The following TSPAN15 variants were observed in gnomAD, a reference collection of about 807,000 sequenced individuals.
TSPAN15 encodes tetraspanin-15.
A neutral mutation model predicts 34.5 loss-of-function variants in TSPAN15; 20 were observed. The observed-to-expected ratio is 0.58, with a 90% confidence interval of 0.41 to 0.84. The LOEUF (loss-of-function observed/expected upper bound fraction) is 0.84. TSPAN15 is among the 40% of genes least tolerant of loss of function. The probability of loss-of-function intolerance (pLI) is 0.00; values close to 1 mark genes in which losing one functional copy is unlikely to be tolerated. For missense variants in TSPAN15, 313 were observed against 386.1 expected (o/e 0.81, Z 1.59); for synonymous variants, 155 against 153.9 (o/e 1.01, Z -0.05).
chr10:69,460,781 G>A (rs76528835), intron 1 of TSPAN15, among the ~76,000 whole-genome samples: 20,110 of 152,166 alleles, frequency 0.13, 1,749 homozygotes, highest in Non-Finnish European at 0.18. Context: ...AGGCCTCGCA[G>A]AGAGGAGTGG....
intron 1 of TSPAN15, among the ~76,000 whole-genome samples, chr10:69,460,045 A>C (rs1841215580): frequency 6.7e-6 from 1 of 148,814 alleles, no homozygotes; most frequent in Non-Finnish European, 1.5e-5. Context: ...ATGAGATGAG[A>C]TGAGATGAGA....
At chr10:69,457,212 C>T (rs1841130959) in intron 1 of TSPAN15, among the ~76,000 whole-genome samples, 1 of 152,224 alleles carries the variant, frequency 6.6e-6, no homozygotes, top group Non-Finnish European at 1.5e-5. Flanking sequence ...TCATCCATAT[C>T]CTCCTCTGAA....
At chr10:69,505,958 C>T in intron 6 of TSPAN15, 166 bp from the exon 7 acceptor site, 1 of 603,582 alleles carries the variant, frequency 1.7e-6, no homozygotes, top group African/African-American at 1.8e-5. Context: ...CAGTACTGTC[C>T]ATTAAGAATC....
chr10:69,517,200 G>A, the TSPAN15 span, among the ~76,000 whole-genome samples: 1 of 152,176 alleles, frequency 6.6e-6, no homozygotes. Context: ...CGCTGCTCCT[G>A]TGTCTTCTCC....
In TSPAN15 at chr10:69,462,165, T is replaced by TG. The variant is rs56076851; in HGVS notation, c.96+10475_96+10476insG. 7.3e-4 allele frequency among the ~76,000 whole-genome samples: 101 copies of TG among 138,266 alleles called. 3 individuals are homozygous for TG. Among genetic ancestry groups the TG allele is most frequent in the South Asian group, 3.4e-3 (12 of 3,514 alleles). The allele number at this position is 138,266 out of a possible 152,430, so 90.7% of individuals were successfully genotyped here. The stretch of plus-strand genomic sequence containing the variant: ...CTGGCTAATTTTAAAGTTTTTTTTT[T>TG]TTTTTTTTTTTTTTTTGTAGAAATA... On this transcript the variant is annotated intron_variant, in intron 1 of 7. Transcript: ENST00000373290.
chr10:69,503,739 C>T (rs1159351417), intron 5 of TSPAN15, among the ~76,000 whole-genome samples: 1 of 152,166 alleles, frequency 6.6e-6, no homozygotes, highest in East Asian at 1.9e-4. Context: ...TCACTCTCTT[C>T]CCTGGTGGTT....
At position 69,451,694 on chromosome 10, in the gene TSPAN15, A is replaced by T. The variant is rs1255334469; in HGVS notation, c.96+4A>T. 6.7e-7 allele frequency: 1 copy of T among 1,503,290 alleles called. No homozygotes were observed. 93.1% of individuals were successfully genotyped at this position (1,503,290 alleles called of 1,614,324 possible). On this transcript the variant is annotated splice_donor_region_variant and intron_variant, in intron 1 of 7. Coordinates refer to ENST00000373290, the MANE Select transcript of TSPAN15 (RefSeq NM_012339.5). ...CATCTATTCCACCGTGTTCTGGGTG[A>T]GTGACCCCAGTAGGGCCCGGGGATG... is the stretch of plus-strand genomic sequence containing the variant.
the TSPAN15 span, among the ~76,000 whole-genome samples, chr10:69,541,089 G>A: frequency 3.3e-5 from 5 of 152,190 alleles, no homozygotes; most frequent in African/African-American, 9.7e-5. Flanking sequence ...GGCAGATGGA[G>A]GGGAAGGAGT....
intron 5 of TSPAN15, among the ~76,000 whole-genome samples, chr10:69,504,231 T>TAA (rs1842276321): frequency 8.0e-6 from 1 of 125,420 alleles, no homozygotes; most frequent in Non-Finnish European, 1.7e-5. Flanking sequence ...CCTGCATTCC[T>TAA]ACAGTTTTTT....
At chr10:69,530,779 A>ACTCTCTTTCTCTCTCTCTCT in the TSPAN15 span, among the ~76,000 whole-genome samples, 2 of 50,022 alleles carry the variant, frequency 4.0e-5, 1 homozygote, top group Non-Finnish European at 7.7e-5. Flanking sequence ...ACAGAGTGAG[A>ACTCTCTTTCTCTCTCTCTCT]CTCTCTCTCT....
At chr10:69,463,430 G>A (rs1194905718) in intron 1 of TSPAN15, among the ~76,000 whole-genome samples, 1 of 152,184 alleles carries the variant, frequency 6.6e-6, no homozygotes, top group Non-Finnish European at 1.5e-5. Context: ...TGGTAAGCTA[G>A]GGGCCAGTTA....
the TSPAN15 span, among the ~76,000 whole-genome samples, chr10:69,513,461 C>T: frequency 6.6e-6 from 1 of 152,156 alleles, no homozygotes; most frequent in Admixed American, 6.5e-5. Context: ...CCCACCTCAG[C>T]CTCCTAAAGT....
the TSPAN15 span, among the ~76,000 whole-genome samples, chr10:69,526,825 A>C: frequency 6.9e-6 from 1 of 145,664 alleles, no homozygotes; most frequent in African/African-American, 2.5e-5. Context: ...GATTATAGCA[A>C]GCATTGGTGA....
chr10:69,527,583 G>A, the TSPAN15 span, among the ~76,000 whole-genome samples: 5 of 126,706 alleles, frequency 3.9e-5, no homozygotes, highest in African/African-American at 9.2e-5. Flanking sequence ...TAACGAGAGC[G>A]AAATTCCATC....
At chr10:69,480,663 C>T (rs925185188) in intron 1 of TSPAN15, among the ~76,000 whole-genome samples, 6 of 152,168 alleles carry the variant, frequency 3.9e-5, no homozygotes, top group African/African-American at 1.4e-4. Flanking sequence ...TGGGTGGAGT[C>T]ACTGAGGAAG....
chr10:69,545,118 G>A, the TSPAN15 span, among the ~76,000 whole-genome samples: 1 of 152,174 alleles, frequency 6.6e-6, no homozygotes, highest in Non-Finnish European at 1.5e-5. Context: ...AGGCTTTTTG[G>A]TGAGCTTTGG....
At position 69,506,421 on chromosome 10, in the gene TSPAN15, C is replaced by T; in HGVS notation, c.735+181C>T. On this transcript the variant is annotated intron_variant, in intron 7 of 7. Coordinates refer to ENST00000373290, the MANE Select transcript of TSPAN15 (RefSeq NM_012339.5). The surrounding 1 kb of genome is among the most constrained non-coding windows in gnomAD (Gnocchi z 4.7). ...AGTCGTGGCGAAGCTCTTCCAAGTG[C>T]TGCGCAGGCACTGCTGCTTCACTTC... 3.2e-6 allele frequency: 2 copies of T among 618,324 alleles called. No individual in the cohort carries two copies. The highest frequency in any genetic ancestry group is 5.7e-6 in the Non-Finnish European group (2 of 349,186). 38.3% of individuals were successfully genotyped at this position (618,324 alleles called of 1,614,324 possible). A position where few individuals can be genotyped will look rare whatever the true frequency, so the allele number is the denominator to read the frequency against.
chr10:69,474,795 C>T (rs1841580965), intron 1 of TSPAN15, among the ~76,000 whole-genome samples: 1 of 152,194 alleles, frequency 6.6e-6, no homozygotes, highest in African/African-American at 2.4e-5. Context: ...TACCCCGCAG[C>T]TAGAGCTCCA....
At chr10:69,496,916 T>C (rs2133143886) in intron 4 of TSPAN15, among the ~76,000 whole-genome samples, 2 of 152,340 alleles carry the variant, frequency 1.3e-5, no homozygotes, top group Middle Eastern at 3.4e-3. Flanking sequence ...GGGGATTTCA[T>C]TTCTCCTGGC....
Sources: allele counts gnomAD v4.1 joint callset (sites outside exome capture counted in the v4.1 genomes callset), GRCh38; gene constraint gnomAD v4.1.1; non-coding constraint Gnocchi (gnomAD v3.1); transcripts MANE v1.5; gene names NCBI Gene and HGNC (gene_info 2026-07-23, HGNC 2026-07-21).